The following VEZT variants were observed in gnomAD, a reference collection of about 807,000 sequenced individuals.
The protein encoded by VEZT is vezatin, adherens junctions transmembrane protein, also known as vezatin.
A neutral mutation model predicts 79.9 loss-of-function variants in VEZT; 39 were observed. The ratio of observed to expected loss-of-function variants is 0.49; its 90% CI spans 0.38 to 0.64. VEZT has a LOEUF of 0.64. Among genes scored for constraint, VEZT ranks in the 30% least tolerant of loss-of-function variants. VEZT has a pLI of 0.00. For synonymous variants in VEZT, 325 were observed against 327.6 expected (o/e 0.99, Z 0.09); for missense variants, 837 against 893.1 (o/e 0.94, Z 0.80).
chr12:95,287,540 C>A, intron 8 of VEZT, 124 bp from the exon 9 acceptor site: 1 of 837,584 alleles, frequency 1.2e-6, no homozygotes, highest in Non-Finnish European at 1.7e-6. Context: ...TGAGCTCAAG[C>A]CATTCACCTG....
intron 10 of VEZT, 106 bp downstream of exon 10, chr12:95,294,478 G>A: frequency 3.3e-6 from 3 of 922,182 alleles, no homozygotes; most frequent in Non-Finnish European, 4.9e-6. Context: ...TTAGTTCTTA[G>A]TGCTTAACTC....
rs138363606 is a variant in VEZT at position 95,294,823 on chromosome 12, A to AT, written c.1623+459dup. ...CCTTAGGTCATATTATCTATTCAGT[A>AT]TTTTTTTTCCGTGTATATTGCATAA... On this transcript the variant is annotated intron_variant, in intron 10 of 11. Coordinates refer to ENST00000436874, the MANE Select transcript of VEZT (RefSeq NM_017599.4). Among the ~76,000 whole-genome samples the AT allele has an allele frequency of 6.7e-4, 102 of 152,090 alleles. 1 individual carries two copies. The Middle Eastern group carries it at 0.014, about 20-fold the overall frequency.
intron 1 of VEZT, among the ~76,000 whole-genome samples, chr12:95,235,696 G>A (rs2060020143): frequency 6.6e-6 from 1 of 150,848 alleles, no homozygotes; most frequent in Admixed American, 6.6e-5. Flanking sequence ...CCCGGACGGG[G>A]CGGCTGGCCG....
At chr12:95,267,913 C>T (rs1299614279) in intron 5 of VEZT, among the ~76,000 whole-genome samples, 3 of 151,748 alleles carry the variant, frequency 2.0e-5, no homozygotes, top group African/African-American at 7.3e-5. Context: ...CCCAGCTACT[C>T]GGGAGGCTGA....
rs145203098 is a variant in VEZT, at chr12:95,244,472, G to A, written c.37-7468G>A. ...AATATCTAATACCTAGTCTGTGTTT[G>A]GGCTTCCTTAAATTCTCAAAAATGC... On this transcript the variant is annotated intron_variant, in intron 1 of 11. Transcript: ENST00000436874. Among the ~76,000 whole-genome samples the A allele has an allele frequency of 1.9e-3, 295 of 152,166 alleles. 1 individual carries two copies. Among genetic ancestry groups the A allele is most frequent in the Middle Eastern group, 0.01 (3 of 294 alleles).
At position 95,282,499 on chromosome 12, in the gene VEZT, A is replaced by G; in HGVS notation, c.1183A>G (p.Ser395Gly). The G allele has an allele frequency of 1.2e-6, 2 of 1,614,024 alleles. No homozygotes were observed. The highest frequency in any genetic ancestry group is 1.1e-5 in the South Asian group (1 of 91,088). ...HSACLEELKRSYEFYRYFETQ... is the reference protein window; with the variant it reads ...HSACLEELKRGYEFYRYFETQ... ...TGCCTGTTTGGAAGAGCTTAAGCGC[A>G]GCTATGAGTTCTATCGGTACTTTGA... Residue 395 changes from serine (S) to glycine (G), a missense_variant, in exon 8 of 12, where the codon AGC becomes GGC. By Grantham distance (56) the Ser-to-Gly change is moderately conservative. Transcript: ENST00000436874.
chr12:95,271,333 G>A (rs2066553630), intron 6 of VEZT, among the ~76,000 whole-genome samples: 1 of 152,156 alleles, frequency 6.6e-6, no homozygotes, highest in African/African-American at 2.4e-5. Context: ...TAGGAAAACT[G>A]AGTAAAAATA....
At chr12:95,270,899 A>G (rs1179896147) in intron 6 of VEZT, among the ~76,000 whole-genome samples, 2 of 152,250 alleles carry the variant, frequency 1.3e-5, no homozygotes, top group Non-Finnish European at 2.9e-5. Flanking sequence ...AGACATATAG[A>G]TAAGTTAAAT....
intron 8 of VEZT, among the ~76,000 whole-genome samples, chr12:95,285,982 C>CTTTTTTTTTTT (rs869030351): frequency 1.2e-5 from 1 of 85,832 alleles, no homozygotes; most frequent in East Asian, 4.2e-4. Flanking sequence ...CCGACCCCTT[C>CTTTTTTTTTTT]TTTTTTTTTT....
At chr12:95,250,590 A>G (rs1349593448) in intron 1 of VEZT, among the ~76,000 whole-genome samples, 1 of 151,912 alleles carries the variant, frequency 6.6e-6, no homozygotes, top group Non-Finnish European at 1.5e-5. Context: ...GGCGTGAGCC[A>G]CCGCCCCCAG....
Position 95,266,512 on chromosome 12 carries a change from T to TA in VEZT, c.597dup (p.Tyr200IlefsTer17). The TA allele has an allele frequency of 1.2e-6, 2 of 1,613,898 alleles. No individual in the cohort carries two copies. Among genetic ancestry groups the TA allele is most frequent in the Non-Finnish European group, 1.7e-6 (2 of 1,179,846 alleles). On this transcript the variant is annotated frameshift_variant, in exon 5 of 12. Transcript: ENST00000436874. LOFTEE classifies it high-confidence loss of function. Reference sequence around the variant, plus strand: ...AGGACAGCCAAACTACAAGTGACCCTAAAAAAATACAGCGTTCATTTGGAA... The same window carrying TA: ...AGGACAGCCAAACTACAAGTGACCCTAAAAAAAATACAGCGTTCATTTGGAA...
intron 1 of VEZT, among the ~76,000 whole-genome samples, chr12:95,241,176 A>T (rs1296460017): frequency 3.3e-5 from 5 of 151,800 alleles, no homozygotes; most frequent in Non-Finnish European, 7.4e-5. Flanking sequence ...GGGACTACAG[A>T]TGTGCACCAC....
intron 1 of VEZT, among the ~76,000 whole-genome samples, chr12:95,221,417 T>C (rs1018176149): frequency 6.6e-6 from 1 of 151,638 alleles, no homozygotes; most frequent in African/African-American, 2.4e-5. Context: ...ATACAAAAAC[T>C]AGCTGGGCAT....
chr12:95,252,094 T>C, intron 2 of VEZT, 23 bp downstream of exon 2: 2 of 1,594,126 alleles, frequency 1.3e-6, no homozygotes, highest in South Asian at 1.2e-5. Context: ...GCTCATTCTT[T>C]CTGGCCGAAT....
intron 1 of VEZT, among the ~76,000 whole-genome samples, chr12:95,228,027 T>C (rs751903367): frequency 6.6e-5 from 10 of 152,326 alleles, no homozygotes; most frequent in Admixed American, 1.3e-4. Flanking sequence ...TTGTTTAAAT[T>C]CCTTCTTCCT....
chr12:95,302,236 C>G lies in VEZT; in HGVS notation c.*1563C>G, dbSNP rs2075291437. On this transcript the variant is annotated 3_prime_UTR_variant, in exon 12 of 12. Coordinates refer to ENST00000436874, the MANE Select transcript of VEZT (RefSeq NM_017599.4). The stretch of plus-strand genomic sequence containing the variant: ...GGAAAAACTTGGTAATCTCTCTCAA[C>G]CTATAACCTTACACAGGAAGAATTA... The G allele has an allele frequency of 6.6e-6, 1 of 152,112 alleles. No individual in the cohort carries two copies. Among genetic ancestry groups the G allele is most frequent in the South Asian group, 2.1e-4 (1 of 4,818 alleles). 9.4% of individuals were successfully genotyped at this position (152,112 alleles called of 1,614,324 possible).
intron 2 of VEZT, among the ~76,000 whole-genome samples, chr12:95,255,173 A>G (rs552225279): frequency 3.3e-5 from 5 of 152,176 alleles, no homozygotes; most frequent in South Asian, 4.2e-4. Context: ...CAAACAAAAA[A>G]TGTTCCTTTT....
intron 5 of VEZT, among the ~76,000 whole-genome samples, chr12:95,268,224 G>A (rs970404283): frequency 7.3e-5 from 11 of 151,658 alleles, no homozygotes; most frequent in African/African-American, 1.7e-4. Flanking sequence ...GGCCGGGCAC[G>A]GTGGCCCACA....
At chr12:95,235,122 T>G (rs1295878287) in intron 1 of VEZT, among the ~76,000 whole-genome samples, 10 of 152,154 alleles carry the variant, frequency 6.6e-5, no homozygotes, top group African/African-American at 2.4e-4. Context: ...CCCCTTTCTA[T>G]TCCACAAAAC....
Sources: gnomAD v4.1 joint callset for allele counts (sites outside exome capture counted in the v4.1 genomes callset) on GRCh38, gnomAD v4.1.1 for gene constraint, MANE v1.5 for transcripts, NCBI Gene and HGNC (gene_info 2026-07-23, HGNC 2026-07-21) for gene names.